NRP2: variants seen among roughly 807,000 people sequenced by gnomAD.
NRP2 encodes neuropilin-2.
NRP2 carries 52 observed loss-of-function variants against 110.4 expected under a neutral mutation model. That is an observed-to-expected ratio of 0.47 (90% CI 0.38 to 0.59). The LOEUF (loss-of-function observed/expected upper bound fraction) is 0.59. Ranked by LOEUF, NRP2 falls within the 20% of genes least tolerant of loss-of-function variation. NRP2 has a pLI of 0.00. For synonymous variants in NRP2, 508 were observed against 468.9 expected (o/e 1.08, Z -1.08); for missense variants, 1,049 against 1,203.0 (o/e 0.87, Z 1.89).
chr2:205,693,763 A>C (rs2056363342), intron 1 of NRP2, among the ~76,000 whole-genome samples: 1 of 152,184 alleles, frequency 6.6e-6, no homozygotes, highest in Non-Finnish European at 1.5e-5. Flanking sequence ...TCCCACATTC[A>C]GCCAATGGCC....
chr2:205,709,845 T>C (rs2056761840), intron 2 of NRP2, among the ~76,000 whole-genome samples: 1 of 152,216 alleles, frequency 6.6e-6, no homozygotes, highest in Admixed American at 6.5e-5. Flanking sequence ...GGGATGCTGC[T>C]TTCTCACTCC....
chr2:205,761,805 G>A (rs1412405476), intron 12 of NRP2: 2 of 152,184 alleles, frequency 1.3e-5, no homozygotes, highest in Non-Finnish European at 2.9e-5. Context: ...CTCTACCTTG[G>A]ACAAATCACT....
chr2:205,747,748 C>A (rs1261108633), intron 10 of NRP2, among the ~76,000 whole-genome samples: 2 of 152,186 alleles, frequency 1.3e-5, no homozygotes, highest in East Asian at 1.9e-4. Flanking sequence ...TTCTTCCCCC[C>A]ATCCCTTGCC....
intron 12 of NRP2, among the ~76,000 whole-genome samples, chr2:205,757,825 T>C (rs999924521): frequency 4.0e-5 from 6 of 151,822 alleles, no homozygotes; most frequent in Non-Finnish European, 7.4e-5. Flanking sequence ...TAGAGGCCCT[T>C]CTTTAAGGAA....
rs1312419100 is a variant in NRP2 at position 205,755,609 on chromosome 2, G to A, written c.2044+2634G>A. Reference sequence around the variant, plus strand: ...GGTGGTCCTTACTTCTTCTCCATAGGGAAAAAAAAAAAAGGAGGGGGAGGC... The same window carrying A: ...GGTGGTCCTTACTTCTTCTCCATAGAGAAAAAAAAAAAAGGAGGGGGAGGC... On this transcript the variant is annotated intron_variant, in intron 12 of 16. Coordinates refer to ENST00000357785, the MANE Select transcript of NRP2 (RefSeq NM_003872.3). Among the ~76,000 whole-genome samples, 14 of 145,118 alleles carry A rather than the reference G, an allele frequency of 9.6e-5. No individual in the cohort carries two copies. In the South Asian group the frequency reaches 1.3e-3, roughly 13 times the overall value.
intron 7 of NRP2, among the ~76,000 whole-genome samples, chr2:205,730,708 A>T (rs538264869): frequency 1.3e-5 from 2 of 152,296 alleles, no homozygotes; most frequent in East Asian, 3.9e-4. Context: ...AATGCAGCAT[A>T]CCAAAGACCA....
chr2:205,731,420 A>C lies in NRP2; in HGVS notation c.1146+3374A>C, dbSNP rs568515609. Among the ~76,000 whole-genome samples, 9 of 152,316 alleles carry C rather than the reference A, an allele frequency of 5.9e-5. No homozygotes were observed. The East Asian group carries it at 1.7e-3, about 29-fold the overall frequency. ...TACCAAGAAGGGCGCATGGAGAGCA[A>C]TGGGAAGAGCTCAGAGGCACAAGGT... On this transcript the variant is annotated intron_variant, in intron 7 of 16. Coordinates refer to ENST00000357785, the MANE Select transcript of NRP2 (RefSeq NM_003872.3).
chr2:205,790,291 T>C, intron 15 of NRP2, among the ~76,000 whole-genome samples: 1 of 152,194 alleles, frequency 6.6e-6, no homozygotes, highest in East Asian at 1.9e-4. Context: ...TGTGATAAAA[T>C]GTTCTCAAAA....
rs1575526336 is a variant in NRP2 at position 205,683,484 on chromosome 2, A to G, written c.73+121A>G. On this transcript the variant is annotated intron_variant, in intron 1 of 16. Coordinates refer to ENST00000357785, the MANE Select transcript of NRP2 (RefSeq NM_003872.3). Reference sequence around the variant, plus strand: ...AGGCTCCCTCAGTACTCAATAATTTAAAGAGAGATCCCAGCCGGCCCTTCC... The same window carrying G: ...AGGCTCCCTCAGTACTCAATAATTTGAAGAGAGATCCCAGCCGGCCCTTCC... The G allele has an allele frequency of 9.4e-6, 7 of 746,838 alleles. No homozygotes were observed. The East Asian group carries it at 1.6e-4, about 17-fold the overall frequency. 46.3% of individuals were successfully genotyped at this position (746,838 alleles called of 1,614,324 possible). A position where few individuals can be genotyped will look rare whatever the true frequency, so the allele number is the denominator to read the frequency against.
At chr2:205,768,499 T>A (rs1346361182) in intron 15 of NRP2, 1 of 152,176 alleles carries the variant, frequency 6.6e-6, no homozygotes, top group Non-Finnish European at 1.5e-5. Context: ...GACTGACAAG[T>A]ACAGTGGCTA....
intron 5 of NRP2, among the ~76,000 whole-genome samples, chr2:205,724,628 T>C (rs1039121618): frequency 6.6e-6 from 1 of 151,734 alleles, no homozygotes; most frequent in Non-Finnish European, 1.5e-5. Flanking sequence ...TATGCTGCCA[T>C]TTCTACTTAA....
chr2:205,792,938 G>T (rs1183025209), intron 16 of NRP2, among the ~76,000 whole-genome samples: 1 of 152,138 alleles, frequency 6.6e-6, no homozygotes, highest in Admixed American at 6.5e-5. Context: ...TACCAGAGTT[G>T]ATCTCCAACA....
intron 1 of NRP2, among the ~76,000 whole-genome samples, chr2:205,697,312 C>CTGTGTGTGTGTGTGTGCGTGTGTG (rs2056451306): frequency 7.3e-6 from 1 of 137,862 alleles, no homozygotes; most frequent in African/African-American, 2.9e-5. Flanking sequence ...ATACTTTCAT[C>CTGTGTGTGTGTGTGTGCGTGTGTG]TGTGTGTGTG....
chr2:205,715,571 C>T (rs1197850760), intron 2 of NRP2, among the ~76,000 whole-genome samples: 6 of 152,136 alleles, frequency 3.9e-5, no homozygotes, highest in African/African-American at 1.4e-4. Flanking sequence ...GAGGCGGTGG[C>T]CCACGGGTGG....
chr2:205,697,447 T>G, intron 1 of NRP2, 97 bp from the exon 2 acceptor site: 5 of 1,145,736 alleles, frequency 4.4e-6, no homozygotes, highest in Non-Finnish European at 6.6e-6. Context: ...GTAAAATAGT[T>G]TTAATCAGAC....
intron 5 of NRP2, among the ~76,000 whole-genome samples, chr2:205,724,679 T>TA (rs1417557525): frequency 1.3e-5 from 2 of 148,594 alleles, no homozygotes; most frequent in Non-Finnish European, 3.0e-5. Context: ...TTTTTTTTTT[T>TA]TGAGACAGAG....
chr2:205,751,823 C>CCACT (rs1335352114), intron 11 of NRP2, among the ~76,000 whole-genome samples: 1 of 152,160 alleles, frequency 6.6e-6, no homozygotes, highest in African/African-American at 2.4e-5. Flanking sequence ...GGCAGAGACC[C>CCACT]CACTTTCTCC....
At chr2:205,685,736 G>C (rs1484741014) in intron 1 of NRP2, 1 of 152,412 alleles carries the variant, frequency 6.6e-6, no homozygotes, top group Non-Finnish European at 1.5e-5. Flanking sequence ...CTGCGCGGCA[G>C]GCTCGCCGCG....
At chr2:205,773,625 G>T (rs1575664359) in intron 15 of NRP2, among the ~76,000 whole-genome samples, 1 of 152,144 alleles carries the variant, frequency 6.6e-6, no homozygotes, top group African/African-American at 2.4e-5. Flanking sequence ...CATGTACTAG[G>T]ATTTCACCTT....
Sources: allele counts gnomAD v4.1 joint callset (sites outside exome capture counted in the v4.1 genomes callset), GRCh38; gene constraint gnomAD v4.1.1; transcripts MANE v1.5; gene names NCBI Gene and HGNC (gene_info 2026-07-23, HGNC 2026-07-21).